TSPAN9: variants seen among roughly 807,000 people sequenced by gnomAD.
TSPAN9 encodes tetraspanin 9.
TSPAN9 carries 16 observed loss-of-function variants against 31.0 expected under a neutral mutation model. The ratio of observed to expected loss-of-function variants is 0.52; its 90% CI spans 0.35 to 0.78. TSPAN9 has a LOEUF of 0.78. TSPAN9 is among the 30% of genes least tolerant of loss of function. TSPAN9 has a pLI of 0.01. For missense variants in TSPAN9, 272 were observed against 312.5 expected (o/e 0.87, Z 0.98); for synonymous variants, 145 against 121.6 (o/e 1.19, Z -1.27).
chr12:3,108,256 A>G (rs888578470), intron 2 of TSPAN9, among the ~76,000 whole-genome samples: 19 of 152,166 alleles, frequency 1.2e-4, no homozygotes, highest in Admixed American at 1.2e-3. Flanking sequence ...TACTCTGTGA[A>G]TATTTGTTGG....
At chr12:3,278,067 C>T (rs984115874) in intron 3 of TSPAN9, among the ~76,000 whole-genome samples, 1 of 152,256 alleles carries the variant, frequency 6.6e-6, no homozygotes, top group Non-Finnish European at 1.5e-5. Flanking sequence ...GGCCTCTTCT[C>T]TATCATGCAG....
intron 2 of TSPAN9, among the ~76,000 whole-genome samples, chr12:3,156,144 G>A (rs2098342163): frequency 6.6e-6 from 1 of 152,192 alleles, no homozygotes; most frequent in Non-Finnish European, 1.5e-5. Flanking sequence ...CTCCTCCCCA[G>A]CCTGTGTCAG....
At chr12:3,274,854 A>G (rs1862754579) in intron 3 of TSPAN9, among the ~76,000 whole-genome samples, 2 of 152,228 alleles carry the variant, frequency 1.3e-5, no homozygotes, top group Admixed American at 1.3e-4. Flanking sequence ...GACGTGCACC[A>G]TGCGTGGAGT....
chr12:3,132,695 C>T (rs1416724415), intron 2 of TSPAN9, among the ~76,000 whole-genome samples: 2 of 152,196 alleles, frequency 1.3e-5, no homozygotes, highest in Non-Finnish European at 2.9e-5. Context: ...CTGGCGTGGA[C>T]GACTCCCACT....
At chr12:3,224,994 T>C (rs2098386424) in intron 3 of TSPAN9, among the ~76,000 whole-genome samples, 1 of 152,186 alleles carries the variant, frequency 6.6e-6, no homozygotes, top group Non-Finnish European at 1.5e-5. Flanking sequence ...ATCCAGCCAC[T>C]CCACTGTGTG....
chr12:3,084,272 G>T (rs991197122), intron 2 of TSPAN9: 2 of 152,626 alleles, frequency 1.3e-5, no homozygotes, highest in African/African-American at 2.4e-5. Context: ...CGCTGTGCCA[G>T]ACTACAGACC....
rs1487573576 is a variant in TSPAN9 at position 3,169,384 on chromosome 12, A to T, written c.-17-31793A>T. ...TGGAAAGACCTTTGGCTTAGAAAGG[A>T]GAAGCTCTGATTTCTAATTCTGGTT... is the stretch of plus-strand genomic sequence containing the variant. On this transcript the variant is annotated intron_variant, in intron 2 of 8. Coordinates refer to ENST00000011898, the MANE Select transcript of TSPAN9 (RefSeq NM_006675.5). Among the ~76,000 whole-genome samples the T allele has an allele frequency of 2.0e-5, 3 of 152,302 alleles. No homozygotes were observed. In the East Asian group the frequency reaches 5.8e-4, roughly 29 times the overall value.
intron 2 of TSPAN9, among the ~76,000 whole-genome samples, chr12:3,163,984 C>T (rs889455155): frequency 6.4e-4 from 98 of 152,286 alleles, no homozygotes; most frequent in African/African-American, 2.3e-3. Flanking sequence ...CACTCCTTCA[C>T]CCCAGTTCCT....
intron 3 of TSPAN9, among the ~76,000 whole-genome samples, chr12:3,219,973 G>T (rs2098383475): frequency 6.6e-6 from 1 of 151,998 alleles, no homozygotes; most frequent in Non-Finnish European, 1.5e-5. Flanking sequence ...TGGCCAACGT[G>T]GTGAAACCCT....
intron 3 of TSPAN9, among the ~76,000 whole-genome samples, chr12:3,239,997 A>G (rs1299374491): frequency 6.7e-6 from 1 of 150,212 alleles, no homozygotes; most frequent in African/African-American, 2.5e-5. Flanking sequence ...GAATGACCTT[A>G]TTTAGTCCTC....
At chr12:3,096,366 C>T (rs2098308922) in intron 2 of TSPAN9, among the ~76,000 whole-genome samples, 2 of 152,150 alleles carry the variant, frequency 1.3e-5, no homozygotes, top group Admixed American at 1.3e-4. Context: ...CTTCTGCGGC[C>T]TCACTGGCAT....
At chr12:3,226,742 G>A (rs59079723) in intron 3 of TSPAN9, among the ~76,000 whole-genome samples, 7 of 3,300 alleles carry the variant, frequency 2.1e-3, no homozygotes, top group East Asian at 7.2e-3. Context: ...GTGTGTGTGT[G>A]TGTATATATA....
intron 1 of TSPAN9, among the ~76,000 whole-genome samples, chr12:3,078,971 A>G (rs1410677809): frequency 7.8e-6 from 1 of 129,020 alleles, no homozygotes; most frequent in Admixed American, 9.5e-5. Context: ...TAATCTTGTG[A>G]AATTTGTTAC....
chr12:3,097,655 A>G (rs1860430), intron 2 of TSPAN9, among the ~76,000 whole-genome samples: 75,963 of 152,090 alleles, frequency 0.5, 19,902 homozygotes, highest in African/African-American at 0.64. Context: ...CCCAGGGCCA[A>G]TCTGATAAGG....
At chr12:3,142,617 G>A (rs541178306) in intron 2 of TSPAN9, among the ~76,000 whole-genome samples, 4 of 152,264 alleles carry the variant, frequency 2.6e-5, no homozygotes, top group Non-Finnish European at 4.4e-5. Flanking sequence ...AAAAGGCCAC[G>A]TTCCCTCCCT....
intron 3 of TSPAN9, among the ~76,000 whole-genome samples, chr12:3,229,715 A>C (rs2098389673): frequency 6.6e-6 from 1 of 152,184 alleles, no homozygotes. Context: ...ACCCAGAGTG[A>C]GAGGAAGAAG....
intron 3 of TSPAN9, among the ~76,000 whole-genome samples, chr12:3,231,785 T>A (rs1452806725): frequency 1.3e-5 from 2 of 152,234 alleles, no homozygotes; most frequent in Non-Finnish European, 2.9e-5. Context: ...TTGGGGGCTG[T>A]CTGGCCTCCA....
At chr12:3,186,488 T>G (rs1169203489) in intron 2 of TSPAN9, among the ~76,000 whole-genome samples, 4 of 151,956 alleles carry the variant, frequency 2.6e-5, no homozygotes, top group Non-Finnish European at 1.5e-5. Flanking sequence ...GTCTCCAATG[T>G]AAGAAACAGC....
chr12:3,094,846 T>C (rs2098307035), intron 2 of TSPAN9, among the ~76,000 whole-genome samples: 1 of 107,728 alleles, frequency 9.3e-6, no homozygotes, highest in Non-Finnish European at 2.0e-5. Context: ...AAATCAATAA[T>C]CTTTTTTTTT....
Sources: allele counts gnomAD v4.1 joint callset (sites outside exome capture counted in the v4.1 genomes callset), GRCh38; gene constraint gnomAD v4.1.1; transcripts MANE v1.5; gene names NCBI Gene and HGNC (gene_info 2026-07-23, HGNC 2026-07-21).